MEIG1: variants seen among roughly 807,000 people sequenced by gnomAD.
The protein encoded by MEIG1 is meiosis/spermiogenesis associated 1.
Under a neutral mutation model 11.3 loss-of-function variants are expected in MEIG1, and 12 were observed. That is an observed-to-expected ratio of 1.07 (90% CI 0.68 to 1.73). The LOEUF is 1.73. Ranked by LOEUF, MEIG1 falls within the 40% of genes most tolerant of loss-of-function variation. The pLI, the probability that MEIG1 is intolerant of heterozygous loss-of-function variation, is 0.00. For synonymous variants in MEIG1, 41 were observed against 33.2 expected, an observed-to-expected ratio of 1.24 and a Z score of -0.81; for missense variants, 119 against 104.9, an observed-to-expected ratio of 1.13 and a Z score of -0.59.
intron 1 of MEIG1, among the ~76,000 whole-genome samples, chr10:14,981,835 G>A (rs1033039253): frequency 2.6e-5 from 4 of 152,284 alleles, no homozygotes; most frequent in African/African-American, 9.6e-5. Flanking sequence ...TTCTTTCCCA[G>A]GGCCCCCCTT....
At chr10:14,955,112 A>G (rs2131247850), upstream of MEIG1, among the ~76,000 whole-genome samples, 1 of 152,178 alleles carries the variant, frequency 6.6e-6, no homozygotes, top group African/African-American at 2.4e-5. Context: ...TTATATTTTT[A>G]GCAGAGACGG....
At chr10:14,970,988 C>A (rs573443322) in intron 2 of MEIG1, among the ~76,000 whole-genome samples, 19 of 152,150 alleles carry the variant, frequency 1.2e-4, no homozygotes, top group Admixed American at 1.2e-3. Flanking sequence ...ATACATTAAC[C>A]TGGCCAGGAA....
intron 1 of MEIG1, among the ~76,000 whole-genome samples, chr10:14,985,408 C>T (rs535847665): frequency 6.6e-6 from 1 of 152,060 alleles, no homozygotes; most frequent in East Asian, 1.9e-4. Context: ...CTGATATGAT[C>T]GGTTATATCC....
chr10:14,957,045 CCT>C (rs1842959561), upstream of MEIG1, among the ~76,000 whole-genome samples: 1 of 152,090 alleles, frequency 6.6e-6, no homozygotes, highest in Non-Finnish European at 1.5e-5. Flanking sequence ...CAAAAGAGAC[CCT>C]GTCTCAAAAA....
intron 1 of MEIG1, among the ~76,000 whole-genome samples, chr10:14,982,008 C>A (rs544544029): frequency 1.3e-5 from 2 of 152,320 alleles, no homozygotes; most frequent in African/African-American, 4.8e-5. Flanking sequence ...GATGTATTCA[C>A]CCCTGCAAGC....
upstream of MEIG1, among the ~76,000 whole-genome samples, chr10:14,955,167 T>G (rs896338748): frequency 1.3e-5 from 2 of 152,090 alleles, no homozygotes; most frequent in Non-Finnish European, 2.9e-5. Flanking sequence ...CCTGGCCTCA[T>G]GCGATCCGCT....
intron 1 of MEIG1, chr10:14,986,749 A>G (rs1843322534): frequency 3.0e-6 from 1 of 327,986 alleles, no homozygotes; most frequent in Non-Finnish European, 5.9e-6. Flanking sequence ...AGCTGAGACT[A>G]CAGGCAGGCG....
downstream of MEIG1, among the ~76,000 whole-genome samples, chr10:14,974,022 G>C (rs4748121): frequency 0.66 from 100,681 of 151,894 alleles, 33,558 homozygotes; most frequent in Admixed American, 0.7. Flanking sequence ...ACAGTCTCTC[G>C]TATAATTGTG....
chr10:14,981,859 G>A (rs1843268817), intron 1 of MEIG1, among the ~76,000 whole-genome samples: 1 of 152,158 alleles, frequency 6.6e-6, no homozygotes, highest in Admixed American at 6.5e-5. Context: ...TTGCTTCTTT[G>A]GGGGGACCCC....
intron 2 of MEIG1, among the ~76,000 whole-genome samples, chr10:14,967,777 G>A (rs1033352543): frequency 6.6e-6 from 1 of 152,024 alleles, no homozygotes; most frequent in Non-Finnish European, 1.5e-5. Context: ...GTGAATAATT[G>A]ATCAACCCAG....
intron 1 of MEIG1, among the ~76,000 whole-genome samples, chr10:14,978,664 T>C (rs1382360545): frequency 6.6e-6 from 1 of 152,004 alleles, no homozygotes; most frequent in Non-Finnish European, 1.5e-5. Flanking sequence ...AGACGGATGT[T>C]ACACCTAATG....
chr10:14,973,100 A>G (rs1843170893), downstream of MEIG1, among the ~76,000 whole-genome samples: 1 of 152,076 alleles, frequency 6.6e-6, no homozygotes, highest in South Asian at 2.1e-4. Flanking sequence ...TCCTGACCTC[A>G]AGTGATCTGC....
intron 2 of MEIG1, among the ~76,000 whole-genome samples, chr10:14,971,283 C>T (rs1161553113): frequency 6.6e-6 from 1 of 150,500 alleles, no homozygotes; most frequent in African/African-American, 2.4e-5. Flanking sequence ...AGATTTTTGA[C>T]ACTTTGGGAA....
chr10:14,979,976 G>A lies in MEIG1; in HGVS notation n.67-6820G>A, dbSNP rs563024538. Among the ~76,000 whole-genome samples, 7 of 152,044 alleles carry A rather than the reference G, an allele frequency of 4.6e-5. No individual in the cohort carries two copies. In the East Asian group the frequency reaches 1.4e-3, roughly 29 times the overall value. On this transcript the variant is annotated intron_variant and non_coding_transcript_variant, in intron 1 of 2. Transcript: ENST00000467536. ...GGGGGATAATTACCCTAAAGTCGCAGGCTGTGTACACCCTGTTATGTTATT... is the reference window on the plus strand; with the variant it reads ...GGGGGATAATTACCCTAAAGTCGCAAGCTGTGTACACCCTGTTATGTTATT...
chr10:14,971,216 G>GATAATAGTAATA (rs1554806496), intron 2 of MEIG1, among the ~76,000 whole-genome samples: 2 of 143,642 alleles, frequency 1.4e-5, no homozygotes, highest in Non-Finnish European at 3.0e-5. Flanking sequence ...TAATAATAAT[G>GATAATAGTAATA]ATAATAATAA....
intron 1 of MEIG1, among the ~76,000 whole-genome samples, chr10:14,979,651 G>A (rs907035389): frequency 6.6e-6 from 1 of 151,876 alleles, no homozygotes; most frequent in African/African-American, 2.4e-5. Context: ...ATGTCACATG[G>A]GGTGTACACC....
chr10:14,971,216 G>GATA lies in MEIG1; in HGVS notation c.139-1277_139-1275dup, dbSNP rs55964936. Among the ~76,000 whole-genome samples the GATA allele has an allele frequency of 4.7e-3, 677 of 143,646 alleles. 4 individuals are homozygous for GATA. The highest frequency in any genetic ancestry group is 0.014 in the African/African-American group (538 of 38,902). The allele number at this position is 143,646 out of a possible 152,430, so 94.2% of individuals were successfully genotyped here. A position where few individuals can be genotyped will look rare whatever the true frequency, so the allele number is the denominator to read the frequency against. On this transcript the variant is annotated intron_variant, in intron 2 of 2. Coordinates refer to ENST00000407572, the MANE Select transcript of MEIG1 (RefSeq NM_001080836.3). ...AACCTCGGCAACATATAATAATAAT[G>GATA]ATAATAATAATAATAATAATAACAA...
upstream of MEIG1, among the ~76,000 whole-genome samples, chr10:14,958,738 T>C (rs1842976117): frequency 6.6e-6 from 1 of 151,844 alleles, no homozygotes; most frequent in Non-Finnish European, 1.5e-5. Context: ...CTACTAAAAA[T>C]ACAAAAAATT....
At position 14,964,603 on chromosome 10, in the gene MEIG1, A is replaced by G. The variant is rs1440742279; in HGVS notation, c.-29-1837A>G. Among the ~76,000 whole-genome samples the G allele has an allele frequency of 8.8e-4, 87 of 99,158 alleles. 2 individuals carry two copies. The East Asian group carries it at 0.019, about 22-fold the overall frequency. The allele number at this position is 99,158 out of a possible 152,430, so 65.1% of individuals were successfully genotyped here. A position where few individuals can be genotyped will look rare whatever the true frequency, so the allele number is the denominator to read the frequency against. ...TGTGTGTGTATATATATATATATAT[A>G]TATATACACACACACACACATATAT... On this transcript the variant is annotated intron_variant, in intron 1 of 2. Coordinates refer to ENST00000407572, the MANE Select transcript of MEIG1 (RefSeq NM_001080836.3).
Sources: allele counts gnomAD v4.1 joint callset (sites outside exome capture counted in the v4.1 genomes callset), GRCh38; gene constraint gnomAD v4.1.1; transcripts MANE v1.5; gene names NCBI Gene and HGNC (gene_info 2026-07-23, HGNC 2026-07-21).